The following MYO3A variants were observed in gnomAD, a reference collection of about 807,000 sequenced individuals.
MYO3A encodes myosin-IIIa.
Under a neutral mutation model 192.7 loss-of-function variants are expected in MYO3A, and 180 were observed. The observed-to-expected ratio is 0.93, with a 90% CI of 0.83 to 1.06. The LOEUF (loss-of-function observed/expected upper bound fraction) is 1.06. MYO3A is among the 50% of genes least tolerant of loss of function. The probability of loss-of-function intolerance (pLI) is 0.00; values close to 1 mark genes in which losing one functional copy is unlikely to be tolerated. For synonymous variants in MYO3A, 628 were observed against 645.3 expected, an observed-to-expected ratio of 0.97 and a Z score of 0.41; for missense variants, 1,896 against 1,905.0, an observed-to-expected ratio of 1.00 and a Z score of 0.09.
Position 26,163,730 on chromosome 10 carries a change from TG to T in MYO3A, c.3000-2336del. Among the ~76,000 whole-genome samples the T allele has an allele frequency of 6.6e-5, 10 of 152,132 alleles. 1 individual carries two copies. The highest frequency in any genetic ancestry group is 6.6e-4 in the Admixed American group (10 of 15,264). Reference sequence around the variant, plus strand: ...GTAGAGTAGGAAGTCATAAATAATGTGTTTAGAGTTGATATCAACAGTTAGG... The same window carrying T: ...GTAGAGTAGGAAGTCATAAATAATGTTTTAGAGTTGATATCAACAGTTAGG... On this transcript the variant is annotated intron_variant, in intron 26 of 34. Coordinates refer to ENST00000642920, the MANE Select transcript of MYO3A (RefSeq NM_017433.5).
intron 2 of MYO3A, among the ~76,000 whole-genome samples, chr10:25,949,399 T>C (rs1198421334): frequency 1.3e-5 from 2 of 152,142 alleles, no homozygotes; most frequent in African/African-American, 4.8e-5. Flanking sequence ...ACAACTCCTA[T>C]TTCAGACCTT....
At chr10:26,192,118 A>G (rs1193596696) in intron 31 of MYO3A, among the ~76,000 whole-genome samples, 1 of 152,238 alleles carries the variant, frequency 6.6e-6, no homozygotes, top group Non-Finnish European at 1.5e-5. Context: ...AATGAGGTCT[A>G]TTAGCTCTGT....
chr10:26,101,939 G>T (rs1837481564), intron 17 of MYO3A, among the ~76,000 whole-genome samples: 1 of 152,086 alleles, frequency 6.6e-6, no homozygotes, highest in Non-Finnish European at 1.5e-5. Flanking sequence ...TTTGAATGTT[G>T]TCCTGCCTTG....
intron 10 of MYO3A, among the ~76,000 whole-genome samples, chr10:26,034,113 A>G (rs1358341486): frequency 6.6e-6 from 1 of 152,234 alleles, no homozygotes; most frequent in African/African-American, 2.4e-5. Flanking sequence ...AATTATGGAT[A>G]CACCAAGGCA....
intron 17 of MYO3A, among the ~76,000 whole-genome samples, chr10:26,109,090 T>C (rs1838004281): frequency 6.6e-6 from 1 of 152,236 alleles, no homozygotes; most frequent in South Asian, 2.1e-4. Flanking sequence ...TTCAGCACTA[T>C]CTTATTTAAT....
chr10:26,031,081 T>G (rs1469033173), intron 10 of MYO3A, among the ~76,000 whole-genome samples: 2 of 152,240 alleles, frequency 1.3e-5, no homozygotes, highest in African/African-American at 4.8e-5. Flanking sequence ...ATGAATCCAG[T>G]ATTTTTAAAC....
chr10:25,969,275 A>G (rs1838467786), intron 4 of MYO3A, among the ~76,000 whole-genome samples: 1 of 152,178 alleles, frequency 6.6e-6, no homozygotes, highest in Non-Finnish European at 1.5e-5. Context: ...TGTTGCTGGA[A>G]TGTTGTTATA....
intron 2 of MYO3A, among the ~76,000 whole-genome samples, chr10:25,937,535 A>G (rs1246499614): frequency 6.6e-6 from 1 of 152,322 alleles, no homozygotes; most frequent in East Asian, 1.9e-4. Flanking sequence ...TTATTATCCC[A>G]TTTTACAGCT....
rs768982907 is a variant in MYO3A, at chr10:26,125,444, C to T, written c.1950C>T (p.Leu650=). ...CIRADELQEA[L]TSHCVVTRGE... is the part of the protein sequence containing the mutation. ...GGGCAGATGAGCTACAAGAAGCTCT[C>T]ACCTCCCACTGTGTGGTCACTAGAG... Residue 650 remains leucine, a synonymous_variant, in exon 19 of 35, where the codon CTC becomes CTT. Transcript: ENST00000642920. 8 of 1,613,888 alleles carry T rather than the reference C, an allele frequency of 5.0e-6. No homozygotes were observed. Among genetic ancestry groups the T allele is most frequent in the South Asian group, 2.2e-5 (2 of 91,086 alleles).
chr10:26,061,353 A>G (rs1834467811), intron 10 of MYO3A, among the ~76,000 whole-genome samples: 1 of 152,224 alleles, frequency 6.6e-6, no homozygotes. Context: ...TAAATATGAG[A>G]ACTTCTCCAC....
intron 4 of MYO3A, 129 bp from the exon 5 acceptor site, chr10:25,996,361 A>T (rs1250861653): frequency 1.4e-6 from 1 of 721,198 alleles, no homozygotes; most frequent in Non-Finnish European, 2.4e-6. Flanking sequence ...TGAAAGCATA[A>T]AGATAATGGC....
At chr10:26,116,219 G>A (rs1281276779) in intron 17 of MYO3A, among the ~76,000 whole-genome samples, 2 of 152,158 alleles carry the variant, frequency 1.3e-5, no homozygotes, top group Non-Finnish European at 2.9e-5. Flanking sequence ...ATGTGGACAG[G>A]GTTTGTTTCT....
intron 10 of MYO3A, among the ~76,000 whole-genome samples, chr10:26,060,006 C>G (rs1294167182): frequency 6.6e-6 from 1 of 152,086 alleles, no homozygotes; most frequent in Admixed American, 6.6e-5. Context: ...GCCCGTAATC[C>G]CAGCACTTTG....
chr10:26,162,706 T>A (rs1564611287), intron 26 of MYO3A, among the ~76,000 whole-genome samples: 2 of 152,226 alleles, frequency 1.3e-5, no homozygotes, highest in Non-Finnish European at 2.9e-5. Context: ...CAATCTGATA[T>A]TTATTTGAAT....
intron 10 of MYO3A, among the ~76,000 whole-genome samples, chr10:26,064,397 G>A (rs561723942): frequency 7.3e-4 from 111 of 152,316 alleles, no homozygotes; most frequent in African/African-American, 2.5e-3. Context: ...AGGGATATTA[G>A]AAACAGATGA....
At chr10:26,010,351 A>T (rs1473932231) in intron 6 of MYO3A, among the ~76,000 whole-genome samples, 1 of 125,898 alleles carries the variant, frequency 7.9e-6, no homozygotes, top group East Asian at 1.9e-4. Flanking sequence ...AAAGTACAGG[A>T]ACCTCAAAAG....
At chr10:26,065,726 A>G (rs180791095) in intron 10 of MYO3A, among the ~76,000 whole-genome samples, 14 of 152,174 alleles carry the variant, frequency 9.2e-5, no homozygotes, top group African/African-American at 3.4e-4. Flanking sequence ...GGTGGGTGAT[A>G]TAACAGAGAA....
rs1179860521 is a variant in MYO3A, at chr10:25,952,343, G to A, written c.168+65G>A. ...TCTGTATGAAACACTTAAAAAGACT[G>A]TATTTTATCTTGATTTATTCATCAC... On this transcript the variant is annotated intron_variant, in intron 3 of 34. Transcript: ENST00000642920. 2.0e-6 allele frequency: 3 copies of A among 1,475,848 alleles called. No homozygotes were observed. In the Admixed American group the frequency reaches 5.4e-5, roughly 27 times the overall value. 91.4% of individuals were successfully genotyped at this position (1,475,848 alleles called of 1,614,324 possible).
intron 10 of MYO3A, among the ~76,000 whole-genome samples, chr10:26,029,450 C>T (rs1429754970): frequency 4.6e-5 from 7 of 152,188 alleles, no homozygotes; most frequent in Non-Finnish European, 5.9e-5. Context: ...ACCCATTTAT[C>T]AATCTCTGCT....
Sources: allele counts gnomAD v4.1 joint callset (sites outside exome capture counted in the v4.1 genomes callset), GRCh38; gene constraint gnomAD v4.1.1; transcripts MANE v1.5; gene names NCBI Gene and HGNC (gene_info 2026-07-23, HGNC 2026-07-21).